TEX11: variants seen among roughly 807,000 people sequenced by gnomAD.
TEX11 encodes the protein testis expressed 11.
A neutral mutation model predicts 84.4 loss-of-function variants in TEX11; 7 were observed. The ratio of observed to expected loss-of-function variants is 0.08; its 90% CI spans 0.05 to 0.16. The LOEUF is 0.16. Ranked by LOEUF, TEX11 falls within the 10% of genes least tolerant of loss-of-function variation. The pLI, the probability that TEX11 is intolerant of heterozygous loss-of-function variation, is 1.00. For synonymous variants in TEX11, 264 were observed against 222.8 expected, an observed-to-expected ratio of 1.18 and a Z score of -1.64; for missense variants, 551 against 660.5, an observed-to-expected ratio of 0.83 and a Z score of 1.82.
intron 7 of TEX11, among the ~76,000 whole-genome samples, chrX:70,835,909 C>G (rs1260469480): frequency 1.8e-5 from 2 of 110,342 alleles, no homozygotes; most frequent in African/African-American, 6.6e-5. Context: ...GCCAGGAGTT[C>G]GAGACCAGCC....
chrX:70,716,902 C>T (rs962443842), intron 13 of TEX11, among the ~76,000 whole-genome samples: 1 of 112,436 alleles, frequency 8.9e-6, no homozygotes, highest in Non-Finnish European at 1.9e-5. Flanking sequence ...GGAGCTGTTC[C>T]TATTCAGCCA....
chrX:70,700,256 T>C (rs1219965291), intron 13 of TEX11, among the ~76,000 whole-genome samples: 3 of 111,063 alleles, frequency 2.7e-5, no homozygotes, highest in Admixed American at 9.7e-5. Context: ...GTTAGAACTA[T>C]AAGCACGTGC....
intron 17 of TEX11, among the ~76,000 whole-genome samples, chrX:70,644,311 T>C (rs1329741535): frequency 1.9e-5 from 2 of 106,890 alleles, no homozygotes; most frequent in Non-Finnish European, 3.9e-5. Context: ...GGAATGCTTT[T>C]ACACTGTTGG....
intron 9 of TEX11, among the ~76,000 whole-genome samples, chrX:70,793,289 C>G (rs966953849): frequency 3.6e-5 from 4 of 111,734 alleles, no homozygotes; most frequent in African/African-American, 1.3e-4. Flanking sequence ...CTGGAACAAA[C>G]AAGGACGCCC....
chrX:70,556,752 C>T (rs2088291889), intron 25 of TEX11, among the ~76,000 whole-genome samples: 1 of 111,290 alleles, frequency 9.0e-6, no homozygotes, highest in Non-Finnish European at 1.9e-5. Context: ...ATGGATTTGT[C>T]TATTCCTCAT....
At chrX:70,851,576 C>T (rs182302696) in intron 7 of TEX11, among the ~76,000 whole-genome samples, 54 of 110,201 alleles carry the variant, frequency 4.9e-4, no homozygotes, top group African/African-American at 1.7e-3. Context: ...AACATTCTGG[C>T]AGTTTCTCAA....
chrX:70,621,520 CAAAAAAAAAAAAAAAA>C (rs1159445117), intron 20 of TEX11, among the ~76,000 whole-genome samples: 7 of 14,934 alleles, frequency 4.7e-4, no homozygotes, highest in African/African-American at 1.6e-3. Flanking sequence ...AACTCGGTCT[CAAAAAAAAAAAAAAAA>C]AAAAAAAAAA....
chrX:70,522,521 G>C, the TEX11 span, among the ~76,000 whole-genome samples: 1 of 111,205 alleles, frequency 9.0e-6, no homozygotes, highest in Admixed American at 9.6e-5. Context: ...TAAAGAAAAT[G>C]ATGCAAATAC....
chrX:70,681,267 GCTA>G (rs979650367), intron 14 of TEX11, among the ~76,000 whole-genome samples: 7 of 112,280 alleles, frequency 6.2e-5, no homozygotes, highest in African/African-American at 2.3e-4. Flanking sequence ...AGAGTAAACA[GCTA>G]CTAAATGTAT....
intron 7 of TEX11, among the ~76,000 whole-genome samples, chrX:70,834,386 T>C (rs2091393740): frequency 9.0e-6 from 1 of 110,808 alleles, no homozygotes; most frequent in Admixed American, 9.7e-5. Context: ...ATTCTATGTC[T>C]GAACACCCCC....
intron 17 of TEX11, among the ~76,000 whole-genome samples, chrX:70,639,375 TAA>T (rs752103096): frequency 7.9e-4 from 88 of 111,685 alleles, no homozygotes; most frequent in African/African-American, 2.8e-3. Flanking sequence ...CTTGCTTAGG[TAA>T]ACAAAGCAGC....
intron 20 of TEX11, among the ~76,000 whole-genome samples, chrX:70,621,451 G>A (rs1226443400): frequency 1.1e-5 from 1 of 87,275 alleles, no homozygotes; most frequent in East Asian, 3.9e-4. Flanking sequence ...AAACCAGAAG[G>A]TGGAGTTTGC....
intron 16 of TEX11, among the ~76,000 whole-genome samples, chrX:70,668,117 C>A (rs1207955059): frequency 1.8e-5 from 2 of 111,305 alleles, no homozygotes; most frequent in Non-Finnish European, 3.8e-5. Flanking sequence ...ACGATAAGAT[C>A]TTTTGCTACA....
chrX:70,669,243 C>A (rs2090002335), intron 16 of TEX11, among the ~76,000 whole-genome samples: 1 of 111,675 alleles, frequency 9.0e-6, no homozygotes, highest in Non-Finnish European at 1.9e-5. Flanking sequence ...TGCATCCATT[C>A]CCCAACTAGC....
chrX:70,788,969 TATATAGAG>T (rs1476332589), intron 9 of TEX11, among the ~76,000 whole-genome samples: 33 of 24,905 alleles, frequency 1.3e-3, no homozygotes, highest in African/African-American at 2.1e-3. Context: ...TATATATATA[TATATAGAG>T]AGAGAGAGAG....
chrX:70,712,588 G>T (rs923491218), intron 13 of TEX11, among the ~76,000 whole-genome samples: 4 of 110,040 alleles, frequency 3.6e-5, no homozygotes, highest in African/African-American at 1.3e-4. Flanking sequence ...TTGGCTCTCT[G>T]TTTGTCTGTT....
At chrX:70,762,144 G>C (rs748063903) in intron 9 of TEX11, among the ~76,000 whole-genome samples, 2 of 111,948 alleles carry the variant, frequency 1.8e-5, no homozygotes, top group Admixed American at 1.9e-4. Context: ...GACCTGTCCT[G>C]CAAGAAATGC....
chrX:70,888,064 T>G (rs745316304), intron 2 of TEX11, among the ~76,000 whole-genome samples: 7 of 113,080 alleles, frequency 6.2e-5, no homozygotes, highest in African/African-American at 1.9e-4. Context: ...AACACCAAAG[T>G]CTTTTCATAT....
intron 9 of TEX11, among the ~76,000 whole-genome samples, chrX:70,787,564 C>T (rs201808143): frequency 9.1e-6 from 1 of 109,983 alleles, no homozygotes; most frequent in Non-Finnish European, 1.9e-5. Context: ...CTCCTGACCT[C>T]GTGATCCGCC....
Sources: gnomAD v4.1 joint callset for allele counts (sites outside exome capture counted in the v4.1 genomes callset) on GRCh38, gnomAD v4.1.1 for gene constraint, MANE v1.5 for transcripts, NCBI Gene and HGNC (gene_info 2026-07-23, HGNC 2026-07-21) for gene names.